Variants in AKNA observed in about 807,000 individuals in gnomAD.
AKNA encodes the protein AT-hook transcription factor, also known as microtubule organization protein AKNA.
Under a neutral mutation model 138.8 loss-of-function variants are expected in AKNA, and 67 were observed. That is an observed-to-expected ratio of 0.48 (90% confidence interval 0.40 to 0.59). The LOEUF (loss-of-function observed/expected upper bound fraction) is 0.59. Among genes scored for constraint, AKNA ranks in the 20% least tolerant of loss-of-function variants. The probability of loss-of-function intolerance (pLI) is 0.00; values close to 1 mark genes in which losing one functional copy is unlikely to be tolerated. For synonymous variants in AKNA, 737 were observed against 754.4 expected, an observed-to-expected ratio of 0.98 and a Z score of 0.38; for missense variants, 1,813 against 1,880.4, an observed-to-expected ratio of 0.96 and a Z score of 0.66.
In AKNA at chr9:114,361,258, T is replaced by G. The variant is rs539724575; in HGVS notation, c.2124+446A>C. ...AGCCACAGGGCCTTTGCACAAGCTG[T>G]TTTCCCTGCTGGATGGGTTTTCTCT... On this transcript the variant is annotated intron_variant, in intron 9 of 21. Transcript: ENST00000374088. Among the ~76,000 whole-genome samples, 55 of 152,326 alleles carry G rather than the reference T, an allele frequency of 3.6e-4. No homozygotes were observed. In the South Asian group the frequency reaches 9.9e-3, roughly 28 times the overall value.
chr9:114,376,971 C>T lies in AKNA; in HGVS notation c.836G>A (p.Arg279Lys). ...GAATCTGGTCGTTTCTCTCCTCCAT[C>T]TATCTGTGGCATGCTGCGGACTCTG... is the stretch of plus-strand genomic sequence containing the variant. ...PAQSPQHATD[R>K]WRRETTRFFC... is the part of the protein sequence containing the mutation. Residue 279 changes from arginine (R) to lysine (K), a missense_variant, in exon 3 of 22, where the codon AGA (arginine) becomes AAA (lysine). Transcript: ENST00000374088. 1.2e-6 allele frequency: 2 copies of T among 1,614,200 alleles called. No individual in the cohort carries two copies. Among genetic ancestry groups the T allele is most frequent in the South Asian group, 1.1e-5 (1 of 91,090 alleles).
intron 14 of AKNA, among the ~76,000 whole-genome samples, chr9:114,351,986 T>C (rs373019635): frequency 2.6e-5 from 4 of 152,204 alleles, no homozygotes; most frequent in Admixed American, 2.6e-4. Context: ...AAAGGTTACA[T>C]AGTATATGAT....
chr9:114,369,231 C>T (rs1300772040), intron 4 of AKNA, among the ~76,000 whole-genome samples: 1 of 152,174 alleles, frequency 6.6e-6, no homozygotes, highest in Non-Finnish European at 1.5e-5. Context: ...CAAGGAAGGC[C>T]TCTTGAAGCT....
chr9:114,390,104 C>T (rs1053790843), upstream of AKNA, among the ~76,000 whole-genome samples: 2 of 152,172 alleles, frequency 1.3e-5, no homozygotes, highest in Admixed American at 6.5e-5. Flanking sequence ...CAGGTGGCTG[C>T]CATTGCTGGG....
Position 114,377,407 on chromosome 9 carries a change from C to T in AKNA, c.400G>A (p.Val134Ile). The change falls in exon 3 of 22, where the codon GTT becomes ATT. Residue 134 changes from valine (V) to isoleucine (I), a missense_variant. Coordinates refer to ENST00000374088, the MANE Select transcript of AKNA (RefSeq NM_001317950.2). Reference protein sequence around the residue: ...EPDGTLGSLEVEEAGESSSRL... With the variant: ...EPDGTLGSLEIEEAGESSSRL... ...GAGGAGCTCTCTCCAGCCTCCTCAA[C>T]CTCCAGACTTCCGAGGGTCCCATCT... 1.2e-6 allele frequency: 2 copies of T among 1,613,888 alleles called. No homozygotes were observed. Among genetic ancestry groups the T allele is most frequent in the Non-Finnish European group, 1.7e-6 (2 of 1,179,974 alleles).
Position 114,337,125 on chromosome 9 carries a change from T to C in AKNA, c.4249A>G (p.Arg1417Gly). ...GCTGACAGCGAGCTTCTCATCTGCC[T>C]GGTGGTAGAGCGGACGCTCTCGGCA... Reference protein sequence around the residue: ...QAAESVRSTTRQMRSSLSADL... With the variant: ...QAAESVRSTTGQMRSSLSADL... The change falls in exon 22 of 22, where the codon AGG becomes GGG. Residue 1417 changes from arginine to glycine, a missense_variant. Transcript: ENST00000374088. 6.2e-7 allele frequency: 1 copy of C among 1,607,262 alleles called. No homozygotes were observed. The highest frequency in any genetic ancestry group is 2.2e-5 in the East Asian group (1 of 44,610).
At chr9:114,361,674 A>G in intron 9 of AKNA, 30 bp downstream of exon 9, 1 of 1,609,762 alleles carries the variant, frequency 6.2e-7, no homozygotes, top group South Asian at 1.1e-5. Context: ...GCACGAGGGA[A>G]CAGCCCAATA....
chr9:114,353,710 T>C (rs1047326778), intron 14 of AKNA, among the ~76,000 whole-genome samples: 30 of 152,376 alleles, frequency 2.0e-4, no homozygotes, highest in African/African-American at 7.2e-4. Flanking sequence ...TAGCCCATTA[T>C]TGTAGGCTAC....
At chr9:114,360,519 A>T (rs1298193948) in intron 9 of AKNA, among the ~76,000 whole-genome samples, 1 of 152,134 alleles carries the variant, frequency 6.6e-6, no homozygotes, top group Non-Finnish European at 1.5e-5. Context: ...AGGGTCCCTT[A>T]AGATATTGTA....
chr9:114,348,410 C>T (rs1220398728), intron 15 of AKNA, among the ~76,000 whole-genome samples: 1 of 152,212 alleles, frequency 6.6e-6, no homozygotes, highest in African/African-American at 2.4e-5. Flanking sequence ...TCTTATAACC[C>T]CTGAGGCCCT....
upstream of AKNA, among the ~76,000 whole-genome samples, chr9:114,389,865 C>A (rs1433777119): frequency 6.6e-6 from 1 of 152,160 alleles, no homozygotes; most frequent in Non-Finnish European, 1.5e-5. Context: ...AGCCCTCATC[C>A]TGGTAATCGC....
chr9:114,331,588 C>T (rs758930970), downstream of AKNA: 16 of 1,613,928 alleles, frequency 9.9e-6, no homozygotes, highest in Non-Finnish European at 1.4e-5. Flanking sequence ...GAACATGTTG[C>T]TCACCTGCTG....
chr9:114,356,162 C>A (rs1831490297), intron 13 of AKNA, 26 bp from the exon 14 acceptor site: 1 of 1,598,808 alleles, frequency 6.3e-7, no homozygotes, highest in African/African-American at 1.3e-5. Flanking sequence ...GGAAGGGACA[C>A]ACAGGGGTCA....
rs1831779660 is a variant in AKNA, at chr9:114,359,650, C to T, written c.2436G>A (p.Arg812=). Residue 812 remains arginine, a synonymous_variant, in exon 11 of 22, where the codon AGG becomes AGA. Transcript: ENST00000374088. ...GCACCGGGCACTGCCTTGGGAGGACCCTGGTGGCCTCTGCTTTCCCTGGAG... is the reference window on the plus strand; with the variant it reads ...GCACCGGGCACTGCCTTGGGAGGACTCTGGTGGCCTCTGCTTTCCCTGGAG... ...AATPGKAEAT[R]VLPRQCPVQA... is the part of the protein sequence containing the mutation. 3.7e-6 allele frequency: 6 copies of T among 1,613,622 alleles called. No homozygotes were observed. The highest frequency in any genetic ancestry group is 5.1e-6 in the Non-Finnish European group (6 of 1,179,952).
chr9:114,368,666 C>T, intron 4 of AKNA, 71 bp from the exon 5 acceptor site: 1 of 1,230,780 alleles, frequency 8.1e-7, no homozygotes, highest in Non-Finnish European at 1.0e-6. Context: ...GCCTCATCTT[C>T]ATTCAGGAGC....
Position 114,376,532 on chromosome 9 carries a change from A to G in AKNA, c.1275T>C (p.Pro425=), listed in dbSNP as rs1833218539. Reference sequence around the variant, plus strand: ...GAAATTCTTGGGGTACCCTGGTGATAGGGTGGGCAGGAGGCGTGTCCTTTG... The same window carrying G: ...GAAATTCTTGGGGTACCCTGGTGATGGGGTGGGCAGGAGGCGTGTCCTTTG... The part of the protein sequence containing the change: ...ALAKDTPPAH[P]ITRVPQEFQT... Residue 425 remains proline, a synonymous_variant, in exon 3 of 22, where the codon CCT becomes CCC. Coordinates refer to ENST00000374088, the MANE Select transcript of AKNA (RefSeq NM_001317950.2). The G allele has an allele frequency of 6.2e-7, 1 of 1,614,004 alleles. No individual in the cohort carries two copies. The highest frequency in any genetic ancestry group is 8.5e-7 in the Non-Finnish European group (1 of 1,179,970).
At chr9:114,383,508 C>T (rs1343019044) in intron 1 of AKNA, among the ~76,000 whole-genome samples, 3 of 152,164 alleles carry the variant, frequency 2.0e-5, no homozygotes, top group Non-Finnish European at 2.9e-5. Flanking sequence ...CCTTCTTCCA[C>T]AGATGGGGAA....
chr9:114,331,414 G>A (rs533146164), downstream of AKNA, among the ~76,000 whole-genome samples: 15 of 152,072 alleles, frequency 9.9e-5, no homozygotes, highest in South Asian at 2.1e-4. Context: ...AGCTGGGCAC[G>A]CAGCAGGGGC....
intron 3 of AKNA, among the ~76,000 whole-genome samples, chr9:114,374,562 A>G (rs1053668158): frequency 2.6e-5 from 4 of 152,228 alleles, no homozygotes; most frequent in African/African-American, 9.6e-5. Context: ...GTCGGTGTTT[A>G]AGAAGCATGT....
Sources: gnomAD v4.1 joint callset for allele counts (sites outside exome capture counted in the v4.1 genomes callset) on GRCh38, gnomAD v4.1.1 for gene constraint, MANE v1.5 for transcripts, NCBI Gene and HGNC (gene_info 2026-07-23, HGNC 2026-07-21) for gene names.